Variants in SPAM1 observed in about 807,000 individuals in gnomAD.
SPAM1 encodes hyaluronidase PH-20.
SPAM1 carries 22 observed loss-of-function variants against 29.6 expected under a neutral mutation model. That is an observed-to-expected ratio of 0.74 (90% CI 0.53 to 1.06). SPAM1 has a LOEUF of 1.06. Ranked by LOEUF, SPAM1 falls within the 50% of genes least tolerant of loss-of-function variation. SPAM1 has a pLI of 0.00. For synonymous variants in SPAM1, 194 were observed against 204.6 expected, an observed-to-expected ratio of 0.95 and a Z score of 0.44; for missense variants, 534 against 604.0, an observed-to-expected ratio of 0.88 and a Z score of 1.21.
intron 5 of SPAM1, among the ~76,000 whole-genome samples, chr7:123,968,795 C>G (rs1446000348): frequency 6.6e-6 from 1 of 151,968 alleles, no homozygotes; most frequent in Non-Finnish European, 1.5e-5. Context: ...CATAACTTGT[C>G]CGTGCCTTTG....
chr7:123,939,813 G>T (rs1808371678), intron 1 of SPAM1, among the ~76,000 whole-genome samples: 2 of 152,068 alleles, frequency 1.3e-5, no homozygotes, highest in African/African-American at 2.4e-5. Flanking sequence ...ACTCTTGGGG[G>T]TTCCTCATCC....
chr7:123,929,892 G>A (rs1808013403), intron 1 of SPAM1, among the ~76,000 whole-genome samples: 2 of 130,072 alleles, frequency 1.5e-5, no homozygotes, highest in Non-Finnish European at 3.5e-5. Context: ...TGGGTGTTTA[G>A]GGATTTTTTT....
intron 5 of SPAM1, among the ~76,000 whole-genome samples, chr7:123,965,304 G>A (rs1022772145): frequency 4.6e-5 from 7 of 151,838 alleles, no homozygotes; most frequent in African/African-American, 1.7e-4. Flanking sequence ...CTGACCATGG[G>A]TATCCATCCA....
In SPAM1 at chr7:123,953,738, A is replaced by G. The variant is rs1281012898; in HGVS notation, c.168A>G (p.Pro56=). 6.2e-7 allele frequency: 1 copy of G among 1,613,052 alleles called. No individual in the cohort carries two copies. Among genetic ancestry groups the G allele is most frequent in the African/African-American group, 1.3e-5 (1 of 74,886 alleles). The part of the protein sequence containing the change: ...NVPFLWAWNA[P]SEFCLGKFDE... ...CTTTCCTCTGGGCCTGGAATGCCCCAAGTGAATTTTGTCTTGGAAAATTTG... is the reference window on the plus strand; with the variant it reads ...CTTTCCTCTGGGCCTGGAATGCCCCGAGTGAATTTTGTCTTGGAAAATTTG... Residue 56 remains proline (P), a synonymous_variant, in exon 3 of 5, where the codon CCA becomes CCG. Transcript: ENST00000682466.
chr7:123,942,064 A>G (rs937293545), intron 1 of SPAM1, among the ~76,000 whole-genome samples: 4 of 152,198 alleles, frequency 2.6e-5, no homozygotes, highest in African/African-American at 9.7e-5. Context: ...GCTGGTATGA[A>G]AGTGGTTTAT....
chr7:123,961,574 G>A (rs1792359763), downstream of SPAM1, among the ~76,000 whole-genome samples: 1 of 151,876 alleles, frequency 6.6e-6, no homozygotes, highest in South Asian at 2.1e-4. Context: ...ATCTGTTGAT[G>A]GACATTTAGA....
At chr7:123,960,221 A>G (rs1792341402), downstream of SPAM1, among the ~76,000 whole-genome samples, 1 of 152,012 alleles carries the variant, frequency 6.6e-6, no homozygotes, top group Non-Finnish European at 1.5e-5. Context: ...AGTTTAGAGT[A>G]CAGAAACTCA....
intron 1 of SPAM1, among the ~76,000 whole-genome samples, chr7:123,929,638 A>T (rs1034915678): frequency 6.6e-6 from 1 of 152,146 alleles, no homozygotes; most frequent in South Asian, 2.1e-4. Context: ...TATTAAGGAT[A>T]CATCCACAAA....
downstream of SPAM1, among the ~76,000 whole-genome samples, chr7:123,964,897 G>A (rs1357882518): frequency 6.6e-6 from 1 of 151,950 alleles, no homozygotes; most frequent in East Asian, 1.9e-4. Flanking sequence ...AATAGTTAGA[G>A]TTGACTTTAG....
chr7:123,937,208 A>G (rs534844196), intron 1 of SPAM1, among the ~76,000 whole-genome samples: 5 of 152,326 alleles, frequency 3.3e-5, no homozygotes, highest in Admixed American at 3.3e-4. Context: ...CCTTTCTCAT[A>G]GTTCGGAATA....
downstream of SPAM1, among the ~76,000 whole-genome samples, chr7:123,963,875 A>T (rs1172225530): frequency 6.6e-6 from 1 of 151,968 alleles, no homozygotes; most frequent in African/African-American, 2.4e-5. Flanking sequence ...GACTAGAGAA[A>T]GTAAACAAAA....
downstream of SPAM1, among the ~76,000 whole-genome samples, chr7:123,964,437 C>G (rs1413664126): frequency 6.6e-6 from 1 of 151,808 alleles, no homozygotes; most frequent in Non-Finnish European, 1.5e-5. Flanking sequence ...GATAAATATA[C>G]AATTATGTAA....
rs1792173199 is a variant in SPAM1, at chr7:123,953,756, A to C, written c.186A>C (p.Gly62=). The change falls in exon 3 of 5, where the codon GGA becomes GGC. Residue 62 remains glycine (G), a synonymous_variant. Coordinates refer to ENST00000682466, the MANE Select transcript of SPAM1 (RefSeq NM_153189.3). ...AWNAPSEFCL[G]KFDEPLDMSL... ...ATGCCCCAAGTGAATTTTGTCTTGG[A>C]AAATTTGATGAGCCACTAGATATGA... is the stretch of plus-strand genomic sequence containing the variant. 3 of 1,612,956 alleles carry C rather than the reference A, an allele frequency of 1.9e-6. No homozygotes were observed. Among genetic ancestry groups the C allele is most frequent in the Middle Eastern group, 1.7e-4 (1 of 6,044 alleles).
In SPAM1 at chr7:123,960,034, T is replaced by C; in HGVS notation, c.*65T>C. On this transcript the variant is annotated 3_prime_UTR_variant, in exon 5 of 5. Coordinates refer to ENST00000682466, the MANE Select transcript of SPAM1 (RefSeq NM_153189.3). ...AAGTGTGCTTTTTCGACTAATTAAA[T>C]CTTTGAAAAGAACAGCTCTTGTTGA... 6.6e-7 allele frequency: 1 copy of C among 1,512,574 alleles called. No homozygotes were observed. The highest frequency in any genetic ancestry group is 8.8e-7 in the Non-Finnish European group (1 of 1,139,342). The allele number at this position is 1,512,574 out of a possible 1,614,324, so 93.7% of individuals were successfully genotyped here.
chr7:123,956,876 G>A (rs1220412739), intron 4 of SPAM1, among the ~76,000 whole-genome samples: 1 of 151,930 alleles, frequency 6.6e-6, no homozygotes, highest in African/African-American at 2.4e-5. Context: ...ATTGGCCATG[G>A]CAGGAGTATT....
chr7:123,963,568 A>G (rs568530323), downstream of SPAM1, among the ~76,000 whole-genome samples: 1 of 152,002 alleles, frequency 6.6e-6, no homozygotes, highest in East Asian at 1.9e-4. Context: ...TTTAAAGTAC[A>G]TCAGTTACAA....
chr7:123,937,593 T>C (rs1448918339), intron 1 of SPAM1, among the ~76,000 whole-genome samples: 4 of 78,044 alleles, frequency 5.1e-5, no homozygotes, highest in Non-Finnish European at 6.8e-5. Flanking sequence ...AGAGACTCCA[T>C]CTCAAAAAAA....
At chr7:123,931,955 C>A (rs1318535133) in intron 1 of SPAM1, among the ~76,000 whole-genome samples, 2 of 152,144 alleles carry the variant, frequency 1.3e-5, no homozygotes, top group Non-Finnish European at 2.9e-5. Flanking sequence ...GTCTATAAAG[C>A]CAGTTTTAAC....
intron 1 of SPAM1, among the ~76,000 whole-genome samples, chr7:123,944,045 A>G (rs1009671682): frequency 8.5e-5 from 13 of 152,166 alleles, no homozygotes; most frequent in Non-Finnish European, 8.8e-5. Context: ...ACAGGAGTCC[A>G]TATTCTGGTC....
Sources: gnomAD v4.1 joint callset for allele counts (sites outside exome capture counted in the v4.1 genomes callset) on GRCh38, gnomAD v4.1.1 for gene constraint, MANE v1.5 for transcripts, NCBI Gene and HGNC (gene_info 2026-07-23, HGNC 2026-07-21) for gene names.